ZDHHC18: variants seen among roughly 807,000 people sequenced by gnomAD.
ZDHHC18 encodes palmitoyltransferase ZDHHC18.
In ZDHHC18, 23 loss-of-function variants were observed where a neutral mutation model predicts 37.5. The ratio of observed to expected loss-of-function variants is 0.61; its 90% confidence interval spans 0.44 to 0.87. The LOEUF (loss-of-function observed/expected upper bound fraction) is 0.87, where lower values mean the gene tolerates loss of function less well. Ranked by LOEUF, ZDHHC18 falls within the 40% of genes least tolerant of loss-of-function variation. The pLI, the probability that ZDHHC18 is intolerant of heterozygous loss-of-function variation, is 0.00. For missense variants in ZDHHC18, 406 were observed against 525.6 expected, an observed-to-expected ratio of 0.77 and a Z score of 2.22; for synonymous variants, 185 against 218.7, an observed-to-expected ratio of 0.85 and a Z score of 1.36.
rs548261098 is a variant in ZDHHC18 at position 26,856,299 on chromosome 1, G to A, written c.*2456G>A. On this transcript the variant is annotated 3_prime_UTR_variant, in exon 8 of 8. Coordinates refer to ENST00000374142, the MANE Select transcript of ZDHHC18 (RefSeq NM_032283.3). This position sits in a 1 kb window ranked among gnomAD's most constrained non-coding sequence, Gnocchi z 5.2. ...TCTTCCCTGTCGGCCAGCACTGCCC[G>A]CTCCCCTCACACACCATCTCATCCT... is the stretch of plus-strand genomic sequence containing the variant. The A allele has an allele frequency of 9.8e-5, 42 of 427,056 alleles. No homozygotes were observed. The highest frequency in any genetic ancestry group is 5.6e-4 in the African/African-American group (28 of 49,672). 26.5% of individuals were successfully genotyped at this position (427,056 alleles called of 1,614,324 possible). A position where few individuals can be genotyped will look rare whatever the true frequency, so the allele number is the denominator to read the frequency against.
chr1:26,837,325 TTTAA>T (rs1320258985), intron 2 of ZDHHC18, among the ~76,000 whole-genome samples: 1 of 147,512 alleles, frequency 6.8e-6, no homozygotes, highest in Non-Finnish European at 1.5e-5. Context: ...ATATAACATA[TTTAA>T]TATGTATAAT....
chr1:26,840,484 A>AG, intron 2 of ZDHHC18, among the ~76,000 whole-genome samples: 1 of 152,286 alleles, frequency 6.6e-6, no homozygotes, highest in East Asian at 1.9e-4. Flanking sequence ...TCTGTCACCC[A>AG]GGCTGGAGTG....
At position 26,854,025 on chromosome 1, in the gene ZDHHC18, C is replaced by G; in HGVS notation, c.*182C>G. 1.6e-6 allele frequency: 1 copy of G among 622,522 alleles called. No individual in the cohort carries two copies. The allele number at this position is 622,522 out of a possible 1,614,324, so 38.6% of individuals were successfully genotyped here. A position where few individuals can be genotyped will look rare whatever the true frequency, so the allele number is the denominator to read the frequency against. On this transcript the variant is annotated 3_prime_UTR_variant, in exon 8 of 8. Coordinates refer to ENST00000374142, the MANE Select transcript of ZDHHC18 (RefSeq NM_032283.3). This position sits in a 1 kb window ranked among gnomAD's most constrained non-coding sequence, Gnocchi z 4.6. ...TGGCTGTGCCCTCTGCTCCCCAAAC[C>G]CAGGTTCCCACAGCCTTGGGCCCTA...
intron 2 of ZDHHC18, among the ~76,000 whole-genome samples, chr1:26,846,475 C>T (rs548934779): frequency 2.6e-4 from 39 of 149,946 alleles, no homozygotes; most frequent in African/African-American, 8.1e-4. Flanking sequence ...TACAGGCGCC[C>T]GCCACCATGC....
chr1:26,853,688 G>A (rs756017841), intron 7 of ZDHHC18, 38 bp from the exon 8 acceptor site: 1 of 1,593,410 alleles, frequency 6.3e-7, no homozygotes, highest in Admixed American at 1.7e-5. Context: ...CCTCAGTGTT[G>A]GGCAGAGCCC....
intron 2 of ZDHHC18, among the ~76,000 whole-genome samples, chr1:26,838,222 C>T (rs989538713): frequency 6.6e-6 from 1 of 151,114 alleles, no homozygotes; most frequent in Admixed American, 6.6e-5. Flanking sequence ...CTCAAACTCC[C>T]GACCTCCGGT....
chr1:26,842,709 T>G (rs71636784), intron 2 of ZDHHC18, among the ~76,000 whole-genome samples: 18,494 of 152,300 alleles, frequency 0.12, 1,348 homozygotes, highest in Non-Finnish European at 0.17. Context: ...AAACATGCTG[T>G]AGTCAAGGTG....
chr1:26,846,987 C>T (rs544797341), intron 2 of ZDHHC18, among the ~76,000 whole-genome samples: 1 of 152,006 alleles, frequency 6.6e-6, no homozygotes, highest in African/African-American at 2.4e-5. Flanking sequence ...GCTCCGCCTC[C>T]CGGGTTCAAG....
At chr1:26,841,977 T>C (rs1342003601) in intron 2 of ZDHHC18, among the ~76,000 whole-genome samples, 3 of 151,174 alleles carry the variant, frequency 2.0e-5, no homozygotes, top group Non-Finnish European at 2.9e-5. Context: ...CTACTAACAA[T>C]ACAAAAAATT....
At chr1:26,830,323 A>C (rs2081582831) in intron 1 of ZDHHC18, among the ~76,000 whole-genome samples, 1 of 152,206 alleles carries the variant, frequency 6.6e-6, no homozygotes, top group African/African-American at 2.4e-5. Context: ...CTCCTGAGCC[A>C]TGTGACCTTG....
intron 2 of ZDHHC18, among the ~76,000 whole-genome samples, chr1:26,847,507 C>T (rs1225621678): frequency 6.6e-6 from 1 of 152,186 alleles, no homozygotes; most frequent in African/African-American, 2.4e-5. Flanking sequence ...CCACTGCATT[C>T]GGCCTGTTTC....
chr1:26,852,616 C>T (rs1570676886), intron 6 of ZDHHC18, 137 bp from the exon 7 acceptor site: 3 of 674,920 alleles, frequency 4.4e-6, no homozygotes, highest in Non-Finnish European at 7.6e-6. Flanking sequence ...CATTGAATGG[C>T]CCACATGAAA....
chr1:26,850,175 TG>T lies in ZDHHC18; in HGVS notation c.647-123del. The T allele has an allele frequency of 2.4e-6, 3 of 1,262,310 alleles. No individual in the cohort carries two copies. Among genetic ancestry groups the T allele is most frequent in the Non-Finnish European group, 3.3e-6 (3 of 910,524 alleles). 78.2% of individuals were successfully genotyped at this position (1,262,310 alleles called of 1,614,324 possible). A position where few individuals can be genotyped will look rare whatever the true frequency, so the allele number is the denominator to read the frequency against. On this transcript the variant is annotated intron_variant, in intron 3 of 7. Coordinates refer to ENST00000374142, the MANE Select transcript of ZDHHC18 (RefSeq NM_032283.3). The surrounding 1 kb of genome is among the most constrained non-coding windows in gnomAD (Gnocchi z 6.1). The stretch of plus-strand genomic sequence containing the variant: ...ACCAGAGGCAGGTGTGTCCAAGGCC[TG>T]GGAGCCAGCTGGTGCTGCGAGAGTG...
chr1:26,839,784 C>T (rs2081629271), intron 2 of ZDHHC18, among the ~76,000 whole-genome samples: 1 of 152,146 alleles, frequency 6.6e-6, no homozygotes, highest in African/African-American at 2.4e-5. Context: ...TAACAAGCTG[C>T]CATCGGTAGT....
At chr1:26,834,518 C>T (rs1032786963) in intron 2 of ZDHHC18, among the ~76,000 whole-genome samples, 4 of 152,156 alleles carry the variant, frequency 2.6e-5, no homozygotes, top group Non-Finnish European at 4.4e-5. Flanking sequence ...CCTTCTTGAC[C>T]CCAGTTGGGC....
chr1:26,839,393 C>T (rs1454007808), intron 2 of ZDHHC18, among the ~76,000 whole-genome samples: 1 of 152,156 alleles, frequency 6.6e-6, no homozygotes, highest in South Asian at 2.1e-4. Context: ...TTTTGAACAT[C>T]CACAGTATGT....
intron 6 of ZDHHC18, among the ~76,000 whole-genome samples, chr1:26,852,078 G>C (rs760300784): frequency 6.6e-6 from 1 of 152,204 alleles, no homozygotes; most frequent in East Asian, 1.9e-4. Context: ...ATGACAGGGC[G>C]TTGTGTGCCT....
rs1199264283 is a variant in ZDHHC18, at chr1:26,826,972, CA to C, written c.169del (p.Ser57AlafsTer64). 1 of 1,216,086 alleles carries C rather than the reference CA, an allele frequency of 8.2e-7. No individual in the cohort carries two copies. The highest frequency in any genetic ancestry group is 1.0e-6 in the Non-Finnish European group (1 of 977,344). The allele number at this position is 1,216,086 out of a possible 1,614,324, so 75.3% of individuals were successfully genotyped here. A position where few individuals can be genotyped will look rare whatever the true frequency, so the allele number is the denominator to read the frequency against. ...RWSSSGSGSG[S>X]GSGSLGRRPR... ...GGAGCAGCAGCGGCAGCGGCAGCGG[CA>C]GCGGGAGCGGGAGCCTCGGCCGCCG... is the stretch of plus-strand genomic sequence containing the variant. On this transcript the variant is annotated frameshift_variant, in exon 1 of 8. Transcript: ENST00000374142. LOFTEE classifies it high-confidence loss of function. The surrounding 1 kb of genome is among the most constrained non-coding windows in gnomAD (Gnocchi z 5.2).
chr1:26,827,661 C>A (rs2081564895), intron 1 of ZDHHC18, among the ~76,000 whole-genome samples: 1 of 152,178 alleles, frequency 6.6e-6, no homozygotes, highest in Admixed American at 6.5e-5. Context: ...GTCATCCTCG[C>A]TGCCCTCTCC....
Sources: gnomAD v4.1 joint callset for allele counts (sites outside exome capture counted in the v4.1 genomes callset) on GRCh38, gnomAD v4.1.1 for gene constraint, Gnocchi (gnomAD v3.1) non-coding constraint, MANE v1.5 for transcripts, NCBI Gene and HGNC (gene_info 2026-07-23, HGNC 2026-07-21) for gene names.